SVEP1: variants seen among roughly 807,000 people sequenced by gnomAD.
SVEP1 encodes sushi, von Willebrand factor type A, EGF and pentraxin domain containing 1.
SVEP1 carries 164 observed loss-of-function variants against 367.3 expected under a neutral mutation model. The observed-to-expected ratio is 0.45, with a 90% confidence interval of 0.39 to 0.51. The LOEUF (loss-of-function observed/expected upper bound fraction) is 0.51, where lower values mean the gene tolerates loss of function less well. SVEP1 is among the 20% of genes least tolerant of loss of function. SVEP1 has a pLI of 0.00. For synonymous variants in SVEP1, 1,666 were observed against 1,611.6 expected, an observed-to-expected ratio of 1.03 and a Z score of -0.81; for missense variants, 4,117 against 4,425.3, an observed-to-expected ratio of 0.93 and a Z score of 1.98.
At chr9:110,472,061 T>C (rs1829027287) in intron 15 of SVEP1, 98 bp downstream of exon 15, 1 of 1,247,158 alleles carries the variant, frequency 8.0e-7, no homozygotes, top group Non-Finnish European at 1.1e-6. Context: ...TCCAGAGTCA[T>C]TTCCTAATAA....
intron 1 of SVEP1, among the ~76,000 whole-genome samples, chr9:110,565,640 G>A (rs1381736033): frequency 6.6e-6 from 1 of 152,068 alleles, no homozygotes; most frequent in Non-Finnish European, 1.5e-5. Context: ...TGAGATAAGG[G>A]TGGTCAGCTG....
Position 110,481,242 on chromosome 9 carries a change from T to A in SVEP1, c.2365A>T (p.Lys789Ter). The A allele has an allele frequency of 6.4e-7, 1 of 1,553,278 alleles. No individual in the cohort carries two copies. Among genetic ancestry groups the A allele is most frequent in the Non-Finnish European group, 8.7e-7 (1 of 1,147,826 alleles). The change falls in exon 12 of 48, where the codon AAA (lysine) becomes TAA (stop). Residue 789 changes from lysine to a stop codon, truncating the protein, a stop_gained and splice_region_variant. Coordinates refer to ENST00000374469, the MANE Select transcript of SVEP1 (RefSeq NM_153366.4). LOFTEE classifies it high-confidence loss of function. The stretch of plus-strand genomic sequence containing the variant: ...AGTCTAGAATAAAATTAAAACTTAC[T>A]GGCACAGTCTGGCCATTCAGTGGTA... ...TYTTEWPDCA[K>*]KRFANHGFKS...
At chr9:110,409,033 A>G in intron 37 of SVEP1, 82 bp from the exon 38 acceptor site, 1 of 1,438,130 alleles carries the variant, frequency 7.0e-7, no homozygotes, top group Non-Finnish European at 9.2e-7. Context: ...AGTGAAAAAA[A>G]CTAAAAGGTC....
At chr9:110,568,830 T>C (rs531418608) in intron 1 of SVEP1, among the ~76,000 whole-genome samples, 70 of 152,366 alleles carry the variant, frequency 4.6e-4, no homozygotes, top group African/African-American at 1.6e-3. Context: ...CCAGGAGTGA[T>C]GGCTCATGCC....
At chr9:110,416,059 T>A (rs972887429) in intron 36 of SVEP1, among the ~76,000 whole-genome samples, 5 of 151,798 alleles carry the variant, frequency 3.3e-5, no homozygotes, top group Non-Finnish European at 5.9e-5. Flanking sequence ...AGAAAAAAAA[T>A]CTACATACTC....
chr9:110,541,824 TATATATCTATATACATA>T (rs1588100160), intron 3 of SVEP1, among the ~76,000 whole-genome samples: 1 of 141,532 alleles, frequency 7.1e-6, no homozygotes, highest in Non-Finnish European at 1.5e-5. Flanking sequence ...TAGATATCTA[TATATATCTATATACATA>T]GATATCTATA....
chr9:110,459,237 T>A, intron 18 of SVEP1, 124 bp from the exon 19 acceptor site: 1 of 818,836 alleles, frequency 1.2e-6, no homozygotes, highest in Non-Finnish European at 1.8e-6. Flanking sequence ...TCCATATATT[T>A]AATACCCATA....
At chr9:110,545,374 A>G (rs920936852) in intron 3 of SVEP1, among the ~76,000 whole-genome samples, 8 of 152,154 alleles carry the variant, frequency 5.3e-5, no homozygotes, top group Non-Finnish European at 4.4e-5. Flanking sequence ...GCTAATTCAC[A>G]TTCCCACCAA....
chr9:110,429,396 T>A, intron 34 of SVEP1, 62 bp from the exon 35 acceptor site: 1 of 1,195,206 alleles, frequency 8.4e-7, no homozygotes, highest in Non-Finnish European at 1.1e-6. Context: ...CCGTTATCTG[T>A]GCCAAAAACC....
rs568604699 is a variant in SVEP1, at chr9:110,409,569, G to A, written c.6649-618C>T. Among the ~76,000 whole-genome samples, 6 of 152,250 alleles carry A rather than the reference G, an allele frequency of 3.9e-5. No homozygotes were observed. In the South Asian group the frequency reaches 1.2e-3, roughly 32 times the overall value. ...GAACTGATGAGGCAACGCTAAAAAT[G>A]ATAAATTACTCAGTTCAAAAAAACT... On this transcript the variant is annotated intron_variant, in intron 37 of 47. Transcript: ENST00000374469.
intron 27 of SVEP1, among the ~76,000 whole-genome samples, chr9:110,441,437 G>T (rs749999143): frequency 1.3e-5 from 2 of 152,034 alleles, no homozygotes; most frequent in Non-Finnish European, 2.9e-5. Context: ...CTCCTTCTCT[G>T]CCCTCTCCTC....
chr9:110,480,235 C>T (rs902042636), intron 12 of SVEP1, among the ~76,000 whole-genome samples: 1 of 152,166 alleles, frequency 6.6e-6, no homozygotes, highest in African/African-American at 2.4e-5. Flanking sequence ...GGATCAAAAG[C>T]TTGCATGGTA....
chr9:110,518,804 T>G (rs1032405248), intron 3 of SVEP1, among the ~76,000 whole-genome samples: 1 of 152,208 alleles, frequency 6.6e-6, no homozygotes, highest in African/African-American at 2.4e-5. Context: ...TCCTCCTTAC[T>G]AGTCCCTTGG....
In SVEP1 at chr9:110,370,010, C is replaced by T; in HGVS notation, c.10607G>A (p.Cys3536Tyr). 1.7e-5 allele frequency: 27 copies of T among 1,612,418 alleles called. No individual in the cohort carries two copies. Among genetic ancestry groups the T allele is most frequent in the Non-Finnish European group, 2.2e-5 (26 of 1,179,220 alleles). ...TCCACCATTTAAGCAGGGAGACTGG[C>T]AAACAGCTGGAATAAAAAACCCATG... Reference protein sequence around the residue: ...WTGSRCHTAVCQSPCLNGGKC... With the variant: ...WTGSRCHTAVYQSPCLNGGKC... Residue 3536 changes from cysteine (C) to tyrosine (Y), a missense_variant, in exon 47 of 48, where the codon TGC becomes TAC. This residue lies in a region of SVEP1 where 1,765 missense variants were observed against 1,781.1 expected (regional missense o/e 0.99). Coordinates refer to ENST00000374469, the MANE Select transcript of SVEP1 (RefSeq NM_153366.4).
At position 110,406,797 on chromosome 9, in the gene SVEP1, C is replaced by CATCTGACTG. The variant is rs1360929130; in HGVS notation, c.8794_8802dup (p.Gln2932_Asp2934dup). 1 of 1,614,042 alleles carries CATCTGACTG rather than the reference C, an allele frequency of 6.2e-7. No individual in the cohort carries two copies. The highest frequency in any genetic ancestry group is 2.2e-5 in the East Asian group (1 of 44,890). ...AGAGGAATCTCTGCATCCCAGTTGC[C>CATCTGACTG]ATCTGACTGACAGGTGAGTTTTGGA... On this transcript the variant is annotated inframe_insertion, in exon 38 of 48. Coordinates refer to ENST00000374469, the MANE Select transcript of SVEP1 (RefSeq NM_153366.4).
chr9:110,489,432 C>T (rs561741825), intron 9 of SVEP1, among the ~76,000 whole-genome samples: 44 of 152,306 alleles, frequency 2.9e-4, no homozygotes, highest in Non-Finnish European at 5.3e-4. Context: ...CCACGTCTTA[C>T]ATGGTGGCAG....
At chr9:110,512,836 GA>G in intron 5 of SVEP1, 89 bp downstream of exon 5, 1 of 1,477,872 alleles carries the variant, frequency 6.8e-7, no homozygotes, top group Admixed American at 1.8e-5. Context: ...AATCCAAAAA[GA>G]AATGAAGAAC....
chr9:110,427,302 C>CAAAAAAAAAAAAAAAAAAAAAAAAAATA (rs61616981), intron 36 of SVEP1, among the ~76,000 whole-genome samples: 1 of 81,936 alleles, frequency 1.2e-5, no homozygotes, highest in Non-Finnish European at 2.3e-5. Flanking sequence ...GACTCTGTCT[C>CAAAAAAAAAAAAAAAAAAAAAAAAAATA]AAAAAAAAAA....
intron 1 of SVEP1, among the ~76,000 whole-genome samples, chr9:110,570,086 C>T (rs968022127): frequency 1.3e-5 from 2 of 152,158 alleles, no homozygotes; most frequent in Non-Finnish European, 2.9e-5. Flanking sequence ...TTCCTATCCA[C>T]GGCTGACCTC....
Sources: gnomAD v4.1 joint callset for allele counts (sites outside exome capture counted in the v4.1 genomes callset) on GRCh38, gnomAD v4.1.1 for gene constraint, gnomAD v4.1.1 regional missense constraint, MANE v1.5 for transcripts, NCBI Gene and HGNC (gene_info 2026-07-23, HGNC 2026-07-21) for gene names.